Variants in UBAP2L observed in about 807,000 individuals in gnomAD.
UBAP2L encodes the protein ubiquitin associated protein 2 like.
Under a neutral mutation model 130.6 loss-of-function variants are expected in UBAP2L, and 12 were observed. That is an observed-to-expected ratio of 0.09 (90% confidence interval 0.06 to 0.15). The LOEUF (loss-of-function observed/expected upper bound fraction) is 0.15, where lower values mean the gene tolerates loss of function less well. Ranked by LOEUF, UBAP2L falls within the 10% of genes least tolerant of loss-of-function variation. The pLI is 1.00. For missense variants in UBAP2L, 965 were observed against 1,332.5 expected, an observed-to-expected ratio of 0.72 and a Z score of 4.29; for synonymous variants, 503 against 524.7, an observed-to-expected ratio of 0.96 and a Z score of 0.57.
intron 1 of UBAP2L, among the ~76,000 whole-genome samples, chr1:154,222,052 G>C (rs1038936567): frequency 1.3e-5 from 2 of 152,202 alleles, no homozygotes; most frequent in African/African-American, 4.8e-5. Flanking sequence ...CTCTGGTGTA[G>C]GATGTTGTGG....
intron 2 of UBAP2L, among the ~76,000 whole-genome samples, chr1:154,226,169 C>T (rs971014761): frequency 5.9e-5 from 9 of 152,192 alleles, no homozygotes; most frequent in Non-Finnish European, 1.2e-4. Flanking sequence ...TCCTTTGCTC[C>T]TCTTTTCCCC....
intron 7 of UBAP2L, 36 bp downstream of exon 7, chr1:154,236,647 C>G: frequency 6.2e-7 from 1 of 1,611,358 alleles, no homozygotes; most frequent in Non-Finnish European, 8.5e-7. Flanking sequence ...AATTTTTTTT[C>G]CCTTAAAAAT....
At chr1:154,230,070 C>T (rs904684464) in intron 4 of UBAP2L, among the ~76,000 whole-genome samples, 1 of 151,854 alleles carries the variant, frequency 6.6e-6, no homozygotes, top group Non-Finnish European at 1.5e-5. Context: ...GGCCGGAGTA[C>T]ATCTCGGCTC....
intron 12 of UBAP2L, among the ~76,000 whole-genome samples, chr1:154,249,917 C>G (rs1676943675): frequency 6.7e-6 from 1 of 149,898 alleles, no homozygotes; most frequent in Non-Finnish European, 1.5e-5. Context: ...TTGCAGTCTT[C>G]TGTTGATTGG....
intron 25 of UBAP2L, among the ~76,000 whole-genome samples, chr1:154,267,603 ACAC>A (rs2149097588): frequency 6.6e-6 from 1 of 150,898 alleles, no homozygotes; most frequent in African/African-American, 2.4e-5. Flanking sequence ...CTATAGGTGT[ACAC>A]CACCAGGCCT....
chr1:154,229,703 A>G (rs1669170107), intron 4 of UBAP2L, among the ~76,000 whole-genome samples: 1 of 152,128 alleles, frequency 6.6e-6, no homozygotes, highest in Admixed American at 6.5e-5. Flanking sequence ...GACTCAAGCT[A>G]GCTGCCCGCC....
At position 154,261,572 on chromosome 1, in the gene UBAP2L, C is replaced by G. The variant is rs760553513; in HGVS notation, c.2797-20C>G. The G allele has an allele frequency of 6.2e-7, 1 of 1,611,834 alleles. No individual in the cohort carries two copies. The highest frequency in any genetic ancestry group is 8.5e-7 in the Non-Finnish European group (1 of 1,177,952). On this transcript the variant is annotated intron_variant, in intron 23 of 26. Transcript: ENST00000428931. Reference sequence around the variant, plus strand: ...ATTCTGCTGCCAAGTCACTGCAAATCTGGCCTTTTTGCTCTTTAGGTGGCT... The same window carrying G: ...ATTCTGCTGCCAAGTCACTGCAAATGTGGCCTTTTTGCTCTTTAGGTGGCT...
At chr1:154,225,756 C>G (rs1434868836) in intron 2 of UBAP2L, among the ~76,000 whole-genome samples, 1 of 152,200 alleles carries the variant, frequency 6.6e-6, no homozygotes, top group Non-Finnish European at 1.5e-5. Flanking sequence ...CATTTCCCTT[C>G]TCTTACCTGG....
At chr1:154,223,696 C>G (rs1222308098) in intron 1 of UBAP2L, among the ~76,000 whole-genome samples, 1 of 152,046 alleles carries the variant, frequency 6.6e-6, no homozygotes, top group Non-Finnish European at 1.5e-5. Flanking sequence ...TTAAAAAAAT[C>G]TTTCTTGATA....
chr1:154,242,210 G>A (rs1673815789), intron 9 of UBAP2L, among the ~76,000 whole-genome samples: 1 of 152,194 alleles, frequency 6.6e-6, no homozygotes, highest in African/African-American at 2.4e-5. Flanking sequence ...TCACAGTCAA[G>A]CTTCTGCTGT....
intron 22 of UBAP2L, 141 bp downstream of exon 22, chr1:154,260,170 C>T: frequency 1.2e-6 from 1 of 859,768 alleles, no homozygotes; most frequent in Non-Finnish European, 1.9e-6. Context: ...CATGTCATGG[C>T]TTTTCCTATT....
chr1:154,239,224 G>A (rs1672680053), intron 8 of UBAP2L, among the ~76,000 whole-genome samples: 1 of 151,720 alleles, frequency 6.6e-6, no homozygotes, highest in African/African-American at 2.4e-5. Context: ...AAATTTCACT[G>A]GTTGTTTTTT....
intron 21 of UBAP2L, 93 bp downstream of exon 21, chr1:154,259,123 C>A: frequency 1.8e-6 from 2 of 1,140,470 alleles, no homozygotes; most frequent in Non-Finnish European, 2.6e-6. Flanking sequence ...TCTTTCCCAT[C>A]CCAGCCCTCC....
chr1:154,248,409 G>A (rs1212199097), intron 11 of UBAP2L, among the ~76,000 whole-genome samples: 1 of 152,182 alleles, frequency 6.6e-6, no homozygotes, highest in Non-Finnish European at 1.5e-5. Context: ...GCAGCATCGA[G>A]ATGAGGCTCC....
In UBAP2L at chr1:154,256,638, C is replaced by A. The variant is rs545794847; in HGVS notation, c.2158-425C>A. On this transcript the variant is annotated intron_variant, in intron 18 of 26. Coordinates refer to ENST00000428931, the MANE Select transcript of UBAP2L (RefSeq NM_014847.4). ...TGGGCAACAGGATGGGACCCTGTCT[C>A]AAAAAAAATGTAAAATCAGAATTTT... Among the ~76,000 whole-genome samples the A allele has an allele frequency of 1.6e-4, 25 of 151,778 alleles. No homozygotes were observed. In the East Asian group the frequency reaches 4.4e-3, roughly 27 times the overall value.
intron 24 of UBAP2L, among the ~76,000 whole-genome samples, chr1:154,262,109 G>T (rs949565848): frequency 1.1e-4 from 16 of 152,188 alleles, no homozygotes; most frequent in African/African-American, 3.9e-4. Context: ...AGCAGCCTAC[G>T]ATAGGTTTGG....
At chr1:154,227,953 A>G (rs1245550052) in intron 3 of UBAP2L, among the ~76,000 whole-genome samples, 2 of 152,160 alleles carry the variant, frequency 1.3e-5, no homozygotes, top group African/African-American at 4.8e-5. Flanking sequence ...TTGTGGGTAT[A>G]GGAAATGTGG....
chr1:154,242,052 C>T (rs1673768796), intron 9 of UBAP2L, among the ~76,000 whole-genome samples: 3 of 152,182 alleles, frequency 2.0e-5, no homozygotes, highest in Non-Finnish European at 2.9e-5. Context: ...TGAAGCCCAA[C>T]TGTATAATTG....
chr1:154,223,235 T>C (rs1666874716), intron 1 of UBAP2L, among the ~76,000 whole-genome samples: 1 of 152,220 alleles, frequency 6.6e-6, no homozygotes, highest in South Asian at 2.1e-4. Flanking sequence ...AAGATGACTT[T>C]TTAATATGTT....
Sources: allele counts gnomAD v4.1 joint callset (sites outside exome capture counted in the v4.1 genomes callset), GRCh38; gene constraint gnomAD v4.1.1; transcripts MANE v1.5; gene names NCBI Gene and HGNC (gene_info 2026-07-23, HGNC 2026-07-21).